The following ERICH1 variants were observed in gnomAD, a reference collection of about 807,000 sequenced individuals.
The protein encoded by ERICH1 is glutamate-rich protein 1.
Under a neutral mutation model 39.6 loss-of-function variants are expected in ERICH1, and 56 were observed. The observed-to-expected ratio is 1.41, with a 90% confidence interval of 1.14 to 1.77. ERICH1 has a LOEUF of 1.77. ERICH1 is among the 40% of genes most tolerant of loss of function. ERICH1 has a pLI of 0.00. For synonymous variants in ERICH1, 313 were observed against 223.6 expected, an observed-to-expected ratio of 1.40 and a Z score of -3.57; for missense variants, 826 against 575.4, an observed-to-expected ratio of 1.44 and a Z score of -4.45.
intron 3 of ERICH1, among the ~76,000 whole-genome samples, chr8:619,152 C>T (rs1240065884): frequency 1.3e-5 from 2 of 152,010 alleles, no homozygotes; most frequent in Non-Finnish European, 1.5e-5. Flanking sequence ...CCCCCAGTGC[C>T]CAGTCTGGGG....
chr8:688,338 C>T (rs1808099551), intron 3 of ERICH1, among the ~76,000 whole-genome samples: 1 of 148,676 alleles, frequency 6.7e-6, no homozygotes, highest in African/African-American at 2.5e-5. Context: ...GGCGCCATCC[C>T]GCTCTACGCT....
rs1341121794 is a variant in ERICH1 at position 673,941 on chromosome 8, C to T, written c.411G>A (p.Glu137=). 1 of 1,611,914 alleles carries T rather than the reference C, an allele frequency of 6.2e-7. No individual in the cohort carries two copies. Among genetic ancestry groups the T allele is most frequent in the South Asian group, 1.1e-5 (1 of 90,500 alleles). Residue 137 remains glutamate, a synonymous_variant, in exon 4 of 6, where the codon GAG becomes GAA. Transcript: ENST00000262109. The stretch of plus-strand genomic sequence containing the variant: ...TCTCCTGTAACAGACTCTGCTGTTT[C>T]TCTAATTCTGCTTGTTCTATAAGAA... The part of the protein sequence containing the change: ...NNVLIEQAEL[E]KQQSLLQEKS...
At chr8:637,862 G>A (rs1281370807) in intron 3 of ERICH1, among the ~76,000 whole-genome samples, 1 of 152,256 alleles carries the variant, frequency 6.6e-6, no homozygotes, top group Non-Finnish European at 1.5e-5. Context: ...ACAGCAGCCA[G>A]GGTCCTGCTC....
intron 3 of ERICH1, among the ~76,000 whole-genome samples, chr8:649,567 C>T (rs1336493924): frequency 1.3e-5 from 2 of 151,644 alleles, no homozygotes; most frequent in Admixed American, 1.3e-4. Flanking sequence ...CTGTTGTCAC[C>T]TTTGTTGGAT....
chr8:665,367 G>A (rs141800057), intron 5 of ERICH1, among the ~76,000 whole-genome samples: 121 of 152,340 alleles, frequency 7.9e-4, no homozygotes, highest in Non-Finnish European at 1.4e-3. Flanking sequence ...GACACTGGCT[G>A]CCAGTGAAGG....
At chr8:672,349 T>C (rs1186604304) in intron 4 of ERICH1, 1 of 152,246 alleles carries the variant, frequency 6.6e-6, no homozygotes, top group Non-Finnish European at 1.5e-5. Context: ...AGAAACACGC[T>C]AAAGAGGAAG....
At chr8:709,145 G>A (rs988941765) in intron 2 of ERICH1, among the ~76,000 whole-genome samples, 1 of 152,162 alleles carries the variant, frequency 6.6e-6, no homozygotes, top group Non-Finnish European at 1.5e-5. Flanking sequence ...CCTTTCTGGG[G>A]TGCAGCCTTA....
rs571128437 is a variant in ERICH1 at position 703,428 on chromosome 8, G to A, written c.170-10816C>T. Among the ~76,000 whole-genome samples, 38 of 152,302 alleles carry A rather than the reference G, an allele frequency of 2.5e-4. No homozygotes were observed. The South Asian group carries it at 7.7e-3, about 31-fold the overall frequency. On this transcript the variant is annotated intron_variant, in intron 2 of 5. Coordinates refer to ENST00000262109, the MANE Select transcript of ERICH1 (RefSeq NM_207332.3). ...CCGAGACACAGCAGACACGAGATCT[G>A]CTCCAGAGGGGCCGCCAAGGAGCCT...
At chr8:662,338 A>AG (rs748911599), downstream of ERICH1, among the ~76,000 whole-genome samples, 3 of 152,260 alleles carry the variant, frequency 2.0e-5, no homozygotes, top group Non-Finnish European at 4.4e-5. Context: ...ATATTTGCAA[A>AG]GCATGTGCTA....
chr8:624,907 T>C (rs336428), intron 3 of ERICH1, among the ~76,000 whole-genome samples: 19,308 of 151,858 alleles, frequency 0.13, 1,494 homozygotes, highest in East Asian at 0.28. Flanking sequence ...TTTGTATTTT[T>C]AGTAGAGACG....
chr8:658,663 G>C (rs967616280), intron 3 of ERICH1, among the ~76,000 whole-genome samples: 5 of 152,134 alleles, frequency 3.3e-5, no homozygotes, highest in African/African-American at 1.2e-4. Context: ...CATCAGGGCG[G>C]TCCTGACCCA....
chr8:673,780 T>C lies in ERICH1; in HGVS notation c.572A>G (p.Gln191Arg). Residue 191 changes from glutamine to arginine, a missense_variant, in exon 4 of 6, where the codon CAG becomes CGG. Physicochemically the swap from Gln to Arg is conservative, Grantham distance 43. Coordinates refer to ENST00000262109, the MANE Select transcript of ERICH1 (RefSeq NM_207332.3). ...CCCTTCATTGCTGCTGTCCTCGGGC[T>C]GGTACATGAAACTGACACCAGCAGC... The part of the protein sequence containing the change: ...AKAAGVSFMY[Q>R]PEDSSNEGEG... The C allele has an allele frequency of 6.2e-7, 1 of 1,614,224 alleles. No homozygotes were observed. Among genetic ancestry groups the C allele is most frequent in the East Asian group, 2.2e-5 (1 of 44,896 alleles).
chr8:664,878 A>T (rs921300855), intron 5 of ERICH1, among the ~76,000 whole-genome samples: 4 of 152,240 alleles, frequency 2.6e-5, no homozygotes, highest in African/African-American at 9.6e-5. Flanking sequence ...ATGGCAACAC[A>T]GTGGCTCAAT....
chr8:705,730 A>T (rs1813120556), intron 2 of ERICH1, among the ~76,000 whole-genome samples: 1 of 152,224 alleles, frequency 6.6e-6, no homozygotes, highest in Non-Finnish European at 1.5e-5. Flanking sequence ...TCCAGACTGG[A>T]CAGGGAAAGT....
intron 3 of ERICH1, among the ~76,000 whole-genome samples, chr8:681,629 C>T (rs1462117338): frequency 2.0e-5 from 3 of 152,208 alleles, no homozygotes; most frequent in African/African-American, 4.8e-5. Flanking sequence ...AGAACCCATC[C>T]GTTTTGCAAT....
intron 5 of ERICH1, chr8:667,855 C>T (rs879151594): frequency 6.5e-6 from 1 of 152,736 alleles, no homozygotes; most frequent in African/African-American, 2.4e-5. Context: ...ACTCCCTCCA[C>T]AAAATCTGCA....
intron 3 of ERICH1, among the ~76,000 whole-genome samples, chr8:633,583 C>G (rs116187640): frequency 0.017 from 2,625 of 152,272 alleles, 74 homozygotes; most frequent in African/African-American, 0.059. Context: ...TTACCCAAAA[C>G]AATCCTAAAA....
At chr8:682,124 G>T (rs145276903) in intron 3 of ERICH1, among the ~76,000 whole-genome samples, 84 of 151,684 alleles carry the variant, frequency 5.5e-4, no homozygotes, top group African/African-American at 2.0e-3. Flanking sequence ...AAACCCCATT[G>T]TGGTGGTCCC....
chr8:698,122 C>T (rs1342444696), intron 2 of ERICH1, among the ~76,000 whole-genome samples: 2 of 152,178 alleles, frequency 1.3e-5, no homozygotes, highest in African/African-American at 2.4e-5. Context: ...GGTTGTGGAT[C>T]TGAGTCAATT....
Sources: allele counts gnomAD v4.1 joint callset (sites outside exome capture counted in the v4.1 genomes callset), GRCh38; gene constraint gnomAD v4.1.1; transcripts MANE v1.5; gene names NCBI Gene and HGNC (gene_info 2026-07-23, HGNC 2026-07-21).